Variants in MYCBP2 observed in about 807,000 individuals in gnomAD.
MYCBP2 encodes the protein E3 ubiquitin-protein ligase MYCBP2.
Under a neutral mutation model 525.3 loss-of-function variants are expected in MYCBP2, and 120 were observed. The ratio of observed to expected loss-of-function variants is 0.23; its 90% CI spans 0.20 to 0.27. The LOEUF is 0.27. MYCBP2 is among the 10% of genes least tolerant of loss of function. The pLI is 1.00. For synonymous variants in MYCBP2, 1,894 were observed against 1,955.8 expected, an observed-to-expected ratio of 0.97 and a Z score of 0.83; for missense variants, 4,149 against 5,657.1, an observed-to-expected ratio of 0.73 and a Z score of 8.55.
intron 38 of MYCBP2, among the ~76,000 whole-genome samples, chr13:77,170,633 G>A (rs561844440): frequency 4.6e-5 from 7 of 151,000 alleles, no homozygotes; most frequent in Non-Finnish European, 2.9e-5. Flanking sequence ...CTGGAGTGCA[G>A]TGGTGCGATC....
At chr13:77,258,306 C>T (rs897689426) in intron 13 of MYCBP2, among the ~76,000 whole-genome samples, 1 of 152,186 alleles carries the variant, frequency 6.6e-6, no homozygotes, top group Non-Finnish European at 1.5e-5. Flanking sequence ...ACCTACAATG[C>T]TTTCTTCCAC....
At chr13:77,163,752 G>A (rs2058216550) in intron 43 of MYCBP2, among the ~76,000 whole-genome samples, 1 of 152,066 alleles carries the variant, frequency 6.6e-6, no homozygotes, top group East Asian at 1.9e-4. Flanking sequence ...AGTACTTACA[G>A]TTCTCTCATT....
intron 1 of MYCBP2, among the ~76,000 whole-genome samples, chr13:77,306,041 T>C (rs2079376165): frequency 6.6e-6 from 1 of 152,128 alleles, no homozygotes; most frequent in Non-Finnish European, 1.5e-5. Context: ...GGTCAGTAAG[T>C]GATGCAAATG....
At chr13:77,206,932 T>A in intron 23 of MYCBP2, 107 bp from the exon 24 acceptor site, 2 of 964,706 alleles carry the variant, frequency 2.1e-6, no homozygotes, top group Non-Finnish European at 2.9e-6. Context: ...ATAGTCAGCT[T>A]AAAGAGGACA....
chr13:77,274,684 A>G (rs886251200), intron 4 of MYCBP2, among the ~76,000 whole-genome samples: 3 of 152,098 alleles, frequency 2.0e-5, no homozygotes, highest in African/African-American at 7.2e-5. Context: ...ACTTTTCCCT[A>G]TCTCATCATC....
At chr13:77,279,237 AAGG>A (rs2075943904) in intron 3 of MYCBP2, among the ~76,000 whole-genome samples, 1 of 152,208 alleles carries the variant, frequency 6.6e-6, no homozygotes, top group South Asian at 2.1e-4. Flanking sequence ...AAGATTTTAC[AAGG>A]AGCTTTTCGT....
intron 51 of MYCBP2, 43 bp from the exon 52 acceptor site, chr13:77,139,379 G>A: frequency 6.3e-7 from 1 of 1,593,174 alleles, no homozygotes; most frequent in Non-Finnish European, 8.6e-7. Flanking sequence ...CTTCCTGTAA[G>A]TCCTATGAGG....
intron 52 of MYCBP2, among the ~76,000 whole-genome samples, chr13:77,137,863 C>T (rs1298432586): frequency 2.0e-5 from 3 of 152,004 alleles, no homozygotes; most frequent in African/African-American, 7.2e-5. Flanking sequence ...GGATTACAGG[C>T]GTGAGCCACC....
At chr13:77,161,343 G>T (rs1340484230) in intron 44 of MYCBP2, among the ~76,000 whole-genome samples, 1 of 152,182 alleles carries the variant, frequency 6.6e-6, no homozygotes, top group African/African-American at 2.4e-5. Flanking sequence ...TTTCCATTCA[G>T]TGCCAAATGT....
In MYCBP2 at chr13:77,058,277, C is replaced by G; in HGVS notation, c.13270G>C (p.Ala4424Pro). 1 of 1,614,176 alleles carries G rather than the reference C, an allele frequency of 6.2e-7. No homozygotes were observed. The highest frequency in any genetic ancestry group is 8.5e-7 in the Non-Finnish European group (1 of 1,180,042). ...DKSATSLKQD[A>P]DDMCMICFTE... Reference sequence around the variant, plus strand: ...AAACATATCATGCACATGTCATCGGCGTCTTGCTTCAGGCTTGTGGCACTT... The same window carrying G: ...AAACATATCATGCACATGTCATCGGGGTCTTGCTTCAGGCTTGTGGCACTT... Residue 4424 changes from alanine (A) to proline (P), a missense_variant, in exon 78 of 83, where the codon GCC becomes CCC. Physicochemically the swap from Ala to Pro is conservative, Grantham distance 27. Coordinates refer to ENST00000544440, the MANE Select transcript of MYCBP2 (RefSeq NM_015057.5). The surrounding 1 kb of genome is among the most constrained non-coding windows in gnomAD (Gnocchi z 4.1).
chr13:77,176,604 G>A lies in MYCBP2; in HGVS notation c.5365C>T (p.His1789Tyr), dbSNP rs773437984. The change falls in exon 36 of 83, where the codon CAT becomes TAT. Residue 1789 changes from histidine to tyrosine, a missense_variant. Around this residue, in one of 21 missense-constraint regions of MYCBP2, gnomAD observed 109 missense variants for 118.9 expected, o/e 0.92. Coordinates refer to ENST00000544440, the MANE Select transcript of MYCBP2 (RefSeq NM_015057.5). ...TCCAGAGATGTCCATCTGTGGGAAT[G>A]AGTTGAATCTCCTGCATGTTCACTC... is the stretch of plus-strand genomic sequence containing the variant. ...DDSEHAGDST[H>Y]SHRWTSLELV... 1.2e-5 allele frequency: 19 copies of A among 1,579,172 alleles called. No individual in the cohort carries two copies. In the East Asian group the frequency reaches 1.8e-4, roughly 15 times the overall value.
chr13:77,312,288 A>G (rs2080348372), intron 1 of MYCBP2, among the ~76,000 whole-genome samples: 1 of 152,170 alleles, frequency 6.6e-6, no homozygotes, highest in Admixed American at 6.5e-5. Context: ...GAATGAAGAA[A>G]GAGCAATAGA....
chr13:77,066,160 G>A, intron 71 of MYCBP2, 72 bp from the exon 72 acceptor site: 2 of 1,078,614 alleles, frequency 1.9e-6, no homozygotes, highest in Non-Finnish European at 2.8e-6. Context: ...AGATGAAAAT[G>A]TTATTTCAGA....
chr13:77,168,407 A>T (rs1440902018), intron 40 of MYCBP2, 21 bp downstream of exon 40: 3 of 1,604,036 alleles, frequency 1.9e-6, no homozygotes, highest in East Asian at 4.5e-5. Context: ...CATTCGAATC[A>T]CACTAAGAAC....
chr13:77,106,986 T>C (rs1372691336), intron 55 of MYCBP2, among the ~76,000 whole-genome samples: 1 of 152,190 alleles, frequency 6.6e-6, no homozygotes, highest in Non-Finnish European at 1.5e-5. Flanking sequence ...TAGCACTGTA[T>C]TCTGTTCATG....
At chr13:77,156,773 A>G (rs1381162302) in intron 45 of MYCBP2, among the ~76,000 whole-genome samples, 1 of 130,236 alleles carries the variant, frequency 7.7e-6, no homozygotes. Context: ...TCCTGAATTC[A>G]TTCTGTGATC....
At chr13:77,160,644 G>A (rs1411657027) in intron 44 of MYCBP2, among the ~76,000 whole-genome samples, 2 of 152,154 alleles carry the variant, frequency 1.3e-5, no homozygotes, top group African/African-American at 2.4e-5. Flanking sequence ...TATAAAAACA[G>A]AGAGATAATA....
chr13:77,110,774 C>G (rs141123352), intron 55 of MYCBP2, among the ~76,000 whole-genome samples: 1 of 152,216 alleles, frequency 6.6e-6, no homozygotes, highest in South Asian at 2.1e-4. Flanking sequence ...AAAGAACCTA[C>G]GTTGAAATAT....
At chr13:77,104,210 A>T (rs891429582) in intron 55 of MYCBP2, among the ~76,000 whole-genome samples, 3 of 152,090 alleles carry the variant, frequency 2.0e-5, no homozygotes, top group Non-Finnish European at 4.4e-5. Flanking sequence ...TATTGAAATA[A>T]ACTAGACATA....
Sources: allele counts gnomAD v4.1 joint callset (sites outside exome capture counted in the v4.1 genomes callset), GRCh38; gene constraint gnomAD v4.1.1; regional missense constraint gnomAD v4.1.1; non-coding constraint Gnocchi (gnomAD v3.1); transcripts MANE v1.5; gene names NCBI Gene and HGNC (gene_info 2026-07-23, HGNC 2026-07-21).